ZNF536: variants seen among roughly 807,000 people sequenced by gnomAD.
ZNF536 encodes the protein zinc finger protein 536.
A neutral mutation model predicts 84.5 loss-of-function variants in ZNF536; 13 were observed. The ratio of observed to expected loss-of-function variants is 0.15; its 90% CI spans 0.10 to 0.24. The LOEUF is 0.24. Among genes scored for constraint, ZNF536 ranks in the 10% least tolerant of loss-of-function variants. The pLI, the probability that ZNF536 is intolerant of heterozygous loss-of-function variation, is 1.00. For synonymous variants in ZNF536, 811 were observed against 742.5 expected, an observed-to-expected ratio of 1.09 and a Z score of -1.50; for missense variants, 1,536 against 1,747.5, an observed-to-expected ratio of 0.88 and a Z score of 2.16.
At chr19:30,585,052 G>T (rs1757807407) in intron 1 of ZNF536, among the ~76,000 whole-genome samples, 1 of 151,834 alleles carries the variant, frequency 6.6e-6, no homozygotes, top group African/African-American at 2.4e-5. Flanking sequence ...TGTTGCCCTG[G>T]CTGGAATTCA....
chr19:30,259,980 G>T (rs1325756853), intron 1 of ZNF536, among the ~76,000 whole-genome samples: 1 of 149,462 alleles, frequency 6.7e-6, no homozygotes, highest in African/African-American at 2.5e-5. Flanking sequence ...TGCCAGGCTG[G>T]TCTTGAACTC....
chr19:30,497,800 TGTACATTCTCAC>T (rs1014365717), intron 2 of ZNF536, among the ~76,000 whole-genome samples: 29 of 152,172 alleles, frequency 1.9e-4, no homozygotes, highest in African/African-American at 6.8e-4. Flanking sequence ...TGTGTGTGTG[TGTACATTCTCAC>T]GCTTGTCATG....
chr19:30,428,583 T>C (rs1007908785), intron 1 of ZNF536, among the ~76,000 whole-genome samples: 2 of 151,882 alleles, frequency 1.3e-5, no homozygotes, highest in Non-Finnish European at 1.5e-5. Context: ...GGGTAGGTGA[T>C]ACTTCCACAC....
chr19:30,656,871 G>A (rs765167522), intron 1 of ZNF536, among the ~76,000 whole-genome samples: 2 of 152,158 alleles, frequency 1.3e-5, no homozygotes, highest in Non-Finnish European at 2.9e-5. Context: ...GGGGAGATGC[G>A]AGGGCTGGGA....
chr19:30,374,099 G>A (rs2048715872), intron 1 of ZNF536, among the ~76,000 whole-genome samples: 1 of 152,170 alleles, frequency 6.6e-6, no homozygotes, highest in Non-Finnish European at 1.5e-5. Flanking sequence ...TATTTCGCCT[G>A]AGTCCGTAAC....
chr19:30,255,846 T>C (rs7257460), intron 1 of ZNF536, among the ~76,000 whole-genome samples: 39,242 of 152,126 alleles, frequency 0.26, 5,306 homozygotes, highest in Middle Eastern at 0.33. Flanking sequence ...TAAAGATTTA[T>C]GGAAAAGTGG....
chr19:30,515,157 G>A (rs1395144030), intron 2 of ZNF536, among the ~76,000 whole-genome samples: 1 of 152,170 alleles, frequency 6.6e-6, no homozygotes, highest in African/African-American at 2.4e-5. Context: ...TGCTACTTGG[G>A]AGCCTGAGAT....
chr19:30,360,122 C>CA lies in ZNF536; in HGVS notation c.-3+7639dup. Among the ~76,000 whole-genome samples the CA allele has an allele frequency of 2.0e-5, 3 of 152,334 alleles. No homozygotes were observed. In the South Asian group the frequency reaches 6.2e-4, roughly 32 times the overall value. ...TCAGAGCTGGGGGAGGAGATCGGGG[C>CA]AGGCCCCCAGATAGCTGCTGAGCAT... is the stretch of plus-strand genomic sequence containing the variant. On this transcript the variant is annotated intron_variant, in intron 3 of 5. Coordinates refer to the ZNF536 transcript ENST00000585628.
intron 2 of ZNF536, among the ~76,000 whole-genome samples, chr19:30,518,380 T>C (rs2044176934): frequency 6.6e-6 from 1 of 152,256 alleles, no homozygotes; most frequent in African/African-American, 2.4e-5. Context: ...TAGATCACAC[T>C]GCTGTGTTGG....
intron 1 of ZNF536, among the ~76,000 whole-genome samples, chr19:30,675,998 T>A (rs1385489662): frequency 6.6e-6 from 1 of 152,128 alleles, no homozygotes; most frequent in Non-Finnish European, 1.5e-5. Flanking sequence ...GCAGGGACTA[T>A]AGGCATGAGC....
intron 2 of ZNF536, among the ~76,000 whole-genome samples, chr19:30,453,173 C>T (rs971674669): frequency 6.6e-6 from 1 of 152,094 alleles, no homozygotes; most frequent in African/African-American, 2.4e-5. Flanking sequence ...AAGCTGTGTC[C>T]CCCCCACCCC....
intron 2 of ZNF536, among the ~76,000 whole-genome samples, chr19:30,526,901 T>A (rs955310859): frequency 4.6e-5 from 7 of 152,070 alleles, no homozygotes; most frequent in East Asian, 1.9e-4. Flanking sequence ...GTATTTGAAA[T>A]CCTAGTGTCT....
At chr19:30,230,332 A>G (rs909169385) in intron 1 of ZNF536, among the ~76,000 whole-genome samples, 8 of 152,248 alleles carry the variant, frequency 5.3e-5, no homozygotes, top group East Asian at 1.9e-4. Flanking sequence ...GTTTGGGGAA[A>G]CAGTTCCTGG....
Position 30,557,503 on chromosome 19 carries a change from A to C in ZNF536, c.*339A>C. 1.3e-5 allele frequency: 3 copies of C among 224,014 alleles called. No individual in the cohort carries two copies. Among genetic ancestry groups the C allele is most frequent in the South Asian group, 2.5e-4 (2 of 7,856 alleles). 13.9% of individuals were successfully genotyped at this position (224,014 alleles called of 1,614,324 possible). A position where few individuals can be genotyped will look rare whatever the true frequency, so the allele number is the denominator to read the frequency against. On this transcript the variant is annotated 3_prime_UTR_variant, in exon 5 of 5. Coordinates refer to ENST00000355537, the MANE Select transcript of ZNF536 (RefSeq NM_014717.3). ...ATGACAGATCCCTTCACCTGTGGAC[A>C]ACCTGGCTGGGGGTGGGGGGCTGTT...
chr19:30,547,761 T>A (rs1023445782), intron 3 of ZNF536, among the ~76,000 whole-genome samples, 182 bp from the exon 4 acceptor site: 1 of 152,112 alleles, frequency 6.6e-6, no homozygotes, highest in Non-Finnish European at 1.5e-5. Flanking sequence ...TAGTCCCAAA[T>A]GGTACAAAAT....
Position 30,445,561 on chromosome 19 carries a change from G to T in ZNF536, c.1999G>T (p.Gly667Cys), listed in dbSNP as rs2148229642. The T allele has an allele frequency of 6.2e-7, 1 of 1,613,512 alleles. No individual in the cohort carries two copies. The highest frequency in any genetic ancestry group is 8.5e-7 in the Non-Finnish European group (1 of 1,179,820). ...GGGCGAGGAGGATGGGCTGCACGTGGGCCTGGATGAGCGGCGTGGCTCGGG... is the reference window on the plus strand; with the variant it reads ...GGGCGAGGAGGATGGGCTGCACGTGTGCCTGGATGAGCGGCGTGGCTCGGG... ...RKGEEDGLHV[G>C]LDERRGSGSD... Residue 667 changes from glycine to cysteine, a missense_variant, in exon 2 of 5, where the codon GGC (glycine) becomes TGC (cysteine). Physicochemically the swap from Gly to Cys is radical, Grantham distance 159 (BLOSUM62 -3). Coordinates refer to ENST00000355537, the MANE Select transcript of ZNF536 (RefSeq NM_014717.3). The surrounding 1 kb of genome is among the most constrained non-coding windows in gnomAD (Gnocchi z 4.5).
In ZNF536 at chr19:30,607,005, C is replaced by T. The variant is rs534381200; in HGVS notation, c.169+57491C>T. ...GAATGTGTGTGAAGGCTGGCTCTCACGACCCCAGGCCATGCCATTGTACCA... is the reference window on the plus strand; with the variant it reads ...GAATGTGTGTGAAGGCTGGCTCTCATGACCCCAGGCCATGCCATTGTACCA... On this transcript the variant is annotated intron_variant, in intron 1 of 1. Transcript: ENST00000592773. Among the ~76,000 whole-genome samples, 7 of 152,214 alleles carry T rather than the reference C, an allele frequency of 4.6e-5. 1 individual carries two copies. The highest frequency in any genetic ancestry group is 4.2e-4 in the South Asian group (2 of 4,808).
intron 1 of ZNF536, among the ~76,000 whole-genome samples, chr19:30,414,598 C>A (rs1280227357): frequency 6.6e-6 from 1 of 152,202 alleles, no homozygotes; most frequent in Non-Finnish European, 1.5e-5. Flanking sequence ...CATCCATATC[C>A]TCCCTTGAAC....
chr19:30,282,867 A>T (rs1293142268), intron 1 of ZNF536, among the ~76,000 whole-genome samples: 2 of 152,204 alleles, frequency 1.3e-5, no homozygotes, highest in Non-Finnish European at 2.9e-5. Context: ...TCCGTGTTGG[A>T]GATGGTTGAG....
Sources: gnomAD v4.1 joint callset for allele counts (sites outside exome capture counted in the v4.1 genomes callset) on GRCh38, gnomAD v4.1.1 for gene constraint, Gnocchi (gnomAD v3.1) non-coding constraint, MANE v1.5 for transcripts, NCBI Gene and HGNC (gene_info 2026-07-23, HGNC 2026-07-21) for gene names.